The following NBPF12 variants were observed in gnomAD, a reference collection of about 807,000 sequenced individuals.
The protein encoded by NBPF12 is NBPF family member NBPF12.
NBPF12 carries 115 observed loss-of-function variants against 146.4 expected under a neutral mutation model. The ratio of observed to expected loss-of-function variants is 0.79; its 90% CI spans 0.68 to 0.92. The LOEUF is 0.92. Among genes scored for constraint, NBPF12 ranks in the 40% least tolerant of loss-of-function variants. The pLI, the probability that NBPF12 is intolerant of heterozygous loss-of-function variation, is 0.00. For synonymous variants in NBPF12, 385 were observed against 508.9 expected (o/e 0.76, Z 3.28); for missense variants, 1,205 against 1,326.8 (o/e 0.91, Z 1.43).
chr1:146,984,893 T>G (rs1301772078), exon 22 of NBPF12: 57 of 1,597,516 alleles, frequency 3.6e-5, no homozygotes, highest in Middle Eastern at 2.1e-4. Flanking sequence ...ACTCCTTCAG[T>G]TTATCTTGGA....
exon 1 of NBPF12, chr1:146,938,766 C>G (rs1393966903): frequency 6.6e-6 from 1 of 152,594 alleles, no homozygotes; most frequent in African/African-American, 2.4e-5. Flanking sequence ...GCCAGCGGGC[C>G]GCAAGCAAGT....
chr1:146,987,649 C>T (rs1657860970), intron 25 of NBPF12, among the ~76,000 whole-genome samples: 1 of 152,062 alleles, frequency 6.6e-6, no homozygotes, highest in Non-Finnish European at 1.5e-5. Context: ...ATCAGTGTGT[C>T]ACCTGGACAA....
intron 33 of NBPF12, among the ~76,000 whole-genome samples, chr1:146,994,116 GTCTC>G (rs1658362250): frequency 8.5e-6 from 1 of 117,768 alleles, no homozygotes. Context: ...CTCTGTCTCT[GTCTC>G]TGTCTCTGTC....
At chr1:146,987,755 G>GTGTGTGTGTGTGTGTC (rs1657879866) in intron 25 of NBPF12, among the ~76,000 whole-genome samples, 199 bp from the exon 29 acceptor site, 4 of 151,736 alleles carry the variant, frequency 2.6e-5, no homozygotes, top group African/African-American at 9.8e-5. Flanking sequence ...GTGTGTGTGT[G>GTGTGTGTGTGTGTGTC]TGTGTCTGTC....
chr1:146,978,166 C>T lies in NBPF12; in HGVS notation c.2398+495C>T, dbSNP rs1175093839. ...TCAGGATGGAAACTTTTCTTCTTTA[C>T]TTTGCTGATATATTTCCATAAAGCA... On this transcript the variant is annotated intron_variant, in intron 18 of 33. Transcript: ENST00000617844. Among the ~76,000 whole-genome samples the T allele has an allele frequency of 5.5e-3, 830 of 151,316 alleles. 4 individuals are homozygous for T. The highest frequency in any genetic ancestry group is 0.026 in the South Asian group (123 of 4,758).
At chr1:146,945,994 C>T (rs1655041856), upstream of NBPF12, among the ~76,000 whole-genome samples, 1 of 151,788 alleles carries the variant, frequency 6.6e-6, no homozygotes. Flanking sequence ...CGTTTTACTA[C>T]TTCTATCTTT....
rs1553886280 is a variant in NBPF12, at chr1:146,970,754, T to G, written c.1379+35T>G. On this transcript the variant is annotated intron_variant, in intron 12 of 33. Coordinates refer to ENST00000617844, the Ensembl canonical transcript of NBPF12. ...AATACTCAGGAGCAAGTAATGGGTG[T>G]TAACATATGAAAATGTCTAGGAGGC... 1.5e-3 allele frequency: 1,900 copies of G among 1,296,194 alleles called. 80 individuals carry two copies. In the African/African-American group the frequency reaches 0.021, roughly 14 times the overall value. 80.3% of individuals were successfully genotyped at this position (1,296,194 alleles called of 1,614,324 possible).
At chr1:146,962,118 G>A (rs1655888719) in intron 4 of NBPF12, 43 bp from the exon 8 acceptor site, 4 of 1,598,164 alleles carry the variant, frequency 2.5e-6, no homozygotes, top group Non-Finnish European at 2.6e-6. Context: ...ACAGCAGCAT[G>A]TCCAGCCTTC....
intron 33 of NBPF12, 145 bp downstream of exon 36, chr1:146,993,852 A>T: frequency 1.5e-5 from 2 of 130,434 alleles, no homozygotes; most frequent in South Asian, 9.6e-5. Flanking sequence ...TCATTGCAGT[A>T]GATGTTTAGG....
rs1655314834 is a variant in NBPF12 at position 146,951,284 on chromosome 1, G to A, written c.-325-64G>A. On this transcript the variant is annotated intron_variant, in intron 1 of 33. Coordinates refer to ENST00000617844, the Ensembl canonical transcript of NBPF12. ...GGGGCCCTGGGGTCATGGTAAGAAAGTGTCTCATTGGTAAAACCTTTTCCT... is the reference window on the plus strand; with the variant it reads ...GGGGCCCTGGGGTCATGGTAAGAAAATGTCTCATTGGTAAAACCTTTTCCT... 5.7e-6 allele frequency: 4 copies of A among 703,946 alleles called. No individual in the cohort carries two copies. The East Asian group carries it at 8.2e-5, about 14-fold the overall frequency. 43.6% of individuals were successfully genotyped at this position (703,946 alleles called of 1,614,324 possible). A position where few individuals can be genotyped will look rare whatever the true frequency, so the allele number is the denominator to read the frequency against.
exon 22 of NBPF12, chr1:146,984,884 C>G: frequency 6.3e-7 from 1 of 1,587,606 alleles, no homozygotes; most frequent in Non-Finnish European, 8.6e-7. Flanking sequence ...TGTTATTCAA[C>G]TCCTTCAGTT....
upstream of NBPF12, among the ~76,000 whole-genome samples, chr1:146,944,998 CCCTCCCTT>C (rs1654972453): frequency 4.1e-5 from 2 of 49,112 alleles, no homozygotes; most frequent in Non-Finnish European, 3.9e-5. Context: ...CTTCCTCCCT[CCCTCCCTT>C]CCTTCCTCCC....
chr1:146,968,656 A>C lies in NBPF12; in HGVS notation c.1091+106A>C, dbSNP rs1200931934. The C allele has an allele frequency of 2.7e-3, 2,690 of 1,014,898 alleles. 134 individuals carry two copies. The African/African-American group carries it at 0.038, about 14-fold the overall frequency. The allele number at this position is 1,014,898 out of a possible 1,614,324, so 62.9% of individuals were successfully genotyped here. ...AGCTAAGCTGGGCCAGGGGAAGGGC[A>C]GGAATTGCCATGGCAGGCTCGCTAC... On this transcript the variant is annotated intron_variant, in intron 10 of 33. Coordinates refer to ENST00000617844, the Ensembl canonical transcript of NBPF12.
rs1363116683 is a variant in NBPF12 at position 146,965,114 on chromosome 1, A to G, written c.778+10A>G. The G allele has an allele frequency of 4.0e-6, 6 of 1,516,142 alleles. No individual in the cohort carries two copies. Among genetic ancestry groups the G allele is most frequent in the African/African-American group, 2.9e-5 (2 of 69,694 alleles). 93.9% of individuals were successfully genotyped at this position (1,516,142 alleles called of 1,614,324 possible). On this transcript the variant is annotated intron_variant, in intron 8 of 33. Coordinates refer to ENST00000617844, the Ensembl canonical transcript of NBPF12. ...CTAAACATTCTCCCAGGTAGCCTCT[A>G]TTTTCCTTGTGTCTCATACCTCTGT...
intron 8 of NBPF12, among the ~76,000 whole-genome samples, chr1:146,965,965 G>A (rs1219737681): frequency 1.3e-5 from 2 of 151,484 alleles, no homozygotes; most frequent in Non-Finnish European, 2.9e-5. Context: ...AAAATTAGCT[G>A]TCATGTTACT....
intron 18 of NBPF12, among the ~76,000 whole-genome samples, chr1:146,978,212 A>T (rs1432409285): frequency 6.3e-5 from 9 of 143,166 alleles, no homozygotes; most frequent in Non-Finnish European, 9.0e-5. Context: ...CTGGTTCTCC[A>T]CCCTGTCAAT....
chr1:146,948,016 T>C (rs1289066215), upstream of NBPF12, among the ~76,000 whole-genome samples: 31 of 152,176 alleles, frequency 2.0e-4, no homozygotes, highest in African/African-American at 7.0e-4. Context: ...TTTTATTTTA[T>C]CTCTTTTTTT....
At chr1:146,976,802 A>G (rs1160449867) in intron 16 of NBPF12, 127 bp from the exon 20 acceptor site, 1 of 568,150 alleles carries the variant, frequency 1.8e-6, no homozygotes, top group Admixed American at 3.1e-5. Context: ...TTAAAGATAA[A>G]ACATGAGAGT....
At position 146,960,338 on chromosome 1, in the gene NBPF12, CA is replaced by C; in HGVS notation, c.175+21del. The C allele has an allele frequency of 6.8e-7, 1 of 1,459,976 alleles. No homozygotes were observed. Among genetic ancestry groups the C allele is most frequent in the East Asian group, 2.3e-5 (1 of 44,172 alleles). The allele number at this position is 1,459,976 out of a possible 1,614,324, so 90.4% of individuals were successfully genotyped here. On this transcript the variant is annotated intron_variant, in intron 4 of 33. Coordinates refer to ENST00000617844, the Ensembl canonical transcript of NBPF12. ...AATACAGTAAGATCTATAGGCTCAC[CA>C]TCATGAAAGTGATGAATGATGTCCT... is the stretch of plus-strand genomic sequence containing the variant.
Sources: gnomAD v4.1 joint callset for allele counts (sites outside exome capture counted in the v4.1 genomes callset) on GRCh38, gnomAD v4.1.1 for gene constraint, MANE v1.5 for transcripts, NCBI Gene and HGNC (gene_info 2026-07-23, HGNC 2026-07-21) for gene names.